The following EML6 variants were observed in gnomAD, a reference collection of about 807,000 sequenced individuals.
EML6 encodes the protein echinoderm microtubule-associated protein-like 6.
In EML6, 154 loss-of-function variants were observed where a neutral mutation model predicts 240.1. That is an observed-to-expected ratio of 0.64 (90% confidence interval 0.56 to 0.73). The LOEUF (loss-of-function observed/expected upper bound fraction) is 0.73. Ranked by LOEUF, EML6 falls within the 30% of genes least tolerant of loss-of-function variation. The pLI is 0.00. For missense variants in EML6, 2,964 were observed against 2,474.6 expected (o/e 1.20, Z -4.20); for synonymous variants, 1,148 against 899.0 (o/e 1.28, Z -4.95).
At chr2:54,808,818 TGACATCAGGAA>T (rs1448278970) in intron 2 of EML6, among the ~76,000 whole-genome samples, 2 of 152,214 alleles carry the variant, frequency 1.3e-5, no homozygotes, top group Admixed American at 6.5e-5. Flanking sequence ...TGATCTTATC[TGACATCAGGAA>T]GACATGCTTT....
At chr2:54,797,118 T>C (rs1336122596) in intron 2 of EML6, among the ~76,000 whole-genome samples, 3 of 126,408 alleles carry the variant, frequency 2.4e-5, no homozygotes, top group Non-Finnish European at 3.1e-5. Flanking sequence ...TGAGCCGAGA[T>C]CGTGCCACTG....
At chr2:54,827,885 C>T in intron 6 of EML6, 134 bp downstream of exon 6, 1 of 627,908 alleles carries the variant, frequency 1.6e-6, no homozygotes, top group Non-Finnish European at 2.7e-6. Context: ...TGATAATTTC[C>T]CATATTACAT....
intron 24 of EML6, among the ~76,000 whole-genome samples, chr2:54,905,837 C>G (rs750777618): frequency 6.6e-6 from 1 of 152,168 alleles, no homozygotes; most frequent in Non-Finnish European, 1.5e-5. Flanking sequence ...TCTCAAGATT[C>G]CTCCATGTTG....
At chr2:54,905,120 A>T (rs763512521) in intron 24 of EML6, among the ~76,000 whole-genome samples, 9 of 152,110 alleles carry the variant, frequency 5.9e-5, no homozygotes, top group African/African-American at 1.9e-4. Context: ...CAAAGTGCCG[A>T]GGGCTTTGAC....
intron 30 of EML6, among the ~76,000 whole-genome samples, chr2:54,952,371 A>C (rs1245153314): frequency 6.6e-6 from 1 of 152,172 alleles, no homozygotes; most frequent in East Asian, 1.9e-4. Context: ...AGTGTATCAG[A>C]TAACAGACAG....
intron 2 of EML6, among the ~76,000 whole-genome samples, chr2:54,788,444 T>C (rs1338145487): frequency 2.0e-5 from 3 of 152,150 alleles, no homozygotes; most frequent in African/African-American, 7.2e-5. Context: ...CATCTGGTCA[T>C]GTGTCCACGC....
At chr2:54,955,490 C>G (rs991167757) in intron 32 of EML6, among the ~76,000 whole-genome samples, 1 of 152,162 alleles carries the variant, frequency 6.6e-6, no homozygotes, top group Non-Finnish European at 1.5e-5. Flanking sequence ...GCGTAAAGCC[C>G]CTTCTTATGT....
At chr2:54,872,870 T>TTA (rs1671326728) in intron 16 of EML6, among the ~76,000 whole-genome samples, 4 of 152,200 alleles carry the variant, frequency 2.6e-5, no homozygotes, top group Admixed American at 1.3e-4. Context: ...TGTGCATCCC[T>TTA]TAGCCCTTTG....
At chr2:54,912,907 T>A (rs1007974336) in intron 25 of EML6, among the ~76,000 whole-genome samples, 2 of 152,160 alleles carry the variant, frequency 1.3e-5, no homozygotes, top group Admixed American at 1.3e-4. Context: ...CAATTCCTTT[T>A]CTTTGGGGTA....
At chr2:54,847,837 A>C (rs1669853175) in intron 9 of EML6, among the ~76,000 whole-genome samples, 3 of 152,202 alleles carry the variant, frequency 2.0e-5, no homozygotes, top group Non-Finnish European at 4.4e-5. Flanking sequence ...AGTCTAACCC[A>C]ACAGACTGAT....
At chr2:54,951,961 G>T (rs1676003407) in intron 30 of EML6, among the ~76,000 whole-genome samples, 1 of 152,168 alleles carries the variant, frequency 6.6e-6, no homozygotes, top group Admixed American at 6.5e-5. Context: ...TGGGTTTAAA[G>T]TGGCTATTAT....
intron 2 of EML6, among the ~76,000 whole-genome samples, chr2:54,736,794 C>T (rs1224584254): frequency 6.6e-6 from 1 of 152,164 alleles, no homozygotes; most frequent in Non-Finnish European, 1.5e-5. Flanking sequence ...CCTAGGCCTA[C>T]CTGATACATA....
intron 2 of EML6, among the ~76,000 whole-genome samples, chr2:54,793,538 C>G (rs550177419): frequency 1.3e-5 from 2 of 152,040 alleles, no homozygotes; most frequent in African/African-American, 4.8e-5. Flanking sequence ...TAAATCCTGT[C>G]GAACTTCCTC....
intron 29 of EML6, among the ~76,000 whole-genome samples, chr2:54,949,487 C>T (rs1399826490): frequency 6.6e-6 from 1 of 152,094 alleles, no homozygotes; most frequent in Non-Finnish European, 1.5e-5. Context: ...GGTCCCAAGC[C>T]CAAGATCACC....
intron 25 of EML6, among the ~76,000 whole-genome samples, chr2:54,911,497 T>G (rs1363734244): frequency 6.6e-6 from 1 of 152,024 alleles, no homozygotes; most frequent in Non-Finnish European, 1.5e-5. Flanking sequence ...GGGCACCATC[T>G]TGGCTCACTG....
intron 11 of EML6, among the ~76,000 whole-genome samples, chr2:54,855,821 G>A (rs1444048997): frequency 6.6e-6 from 1 of 152,124 alleles, no homozygotes; most frequent in Non-Finnish European, 1.5e-5. Flanking sequence ...CTACTGGTGG[G>A]GAAGTGAATA....
chr2:54,888,510 C>T (rs1171370065), intron 17 of EML6, among the ~76,000 whole-genome samples: 3 of 152,280 alleles, frequency 2.0e-5, no homozygotes, highest in South Asian at 4.1e-4. Context: ...GCCTATTTAT[C>T]CTTTCATCCC....
chr2:54,827,233 A>G (rs1462704393), intron 5 of EML6, among the ~76,000 whole-genome samples: 2 of 152,232 alleles, frequency 1.3e-5, no homozygotes, highest in African/African-American at 4.8e-5. Context: ...TTATAACTTG[A>G]TAAAAAACTA....
intron 8 of EML6, among the ~76,000 whole-genome samples, chr2:54,845,172 C>T (rs1317679210): frequency 6.6e-6 from 1 of 152,136 alleles, no homozygotes; most frequent in African/African-American, 2.4e-5. Context: ...CTGTTTTTTC[C>T]ATCTCTACCA....
Sources: gnomAD v4.1 joint callset for allele counts (sites outside exome capture counted in the v4.1 genomes callset) on GRCh38, gnomAD v4.1.1 for gene constraint, MANE v1.5 for transcripts, NCBI Gene and HGNC (gene_info 2026-07-23, HGNC 2026-07-21) for gene names.